Variants in IQCK observed in about 807,000 individuals in gnomAD.
The protein encoded by IQCK is IQ domain-containing protein K.
IQCK carries 29 observed loss-of-function variants against 28.1 expected under a neutral mutation model. That is an observed-to-expected ratio of 1.03 (90% CI 0.77 to 1.41). The LOEUF is 1.41. IQCK is among the 40% of genes most tolerant of loss of function. The probability of loss-of-function intolerance (pLI) is 0.00; values close to 1 mark genes in which losing one functional copy is unlikely to be tolerated. For synonymous variants in IQCK, 113 were observed against 115.1 expected (o/e 0.98, Z 0.12); for missense variants, 359 against 314.7 (o/e 1.14, Z -1.07).
rs2056257505 is a variant in IQCK, at chr16:19,833,424, A to G, written c.802+6287A>G. Among the ~76,000 whole-genome samples, 4 of 152,190 alleles carry G rather than the reference A, an allele frequency of 2.6e-5. No homozygotes were observed. The South Asian group carries it at 8.3e-4, about 32-fold the overall frequency. On this transcript the variant is annotated intron_variant, in intron 9 of 9. Coordinates refer to the IQCK transcript ENST00000320394. Reference sequence around the variant, plus strand: ...AAAAATGTTCCTATAGTGAATAGAAATATGGCTCTGAGCTTCCAGGAAGCC... The same window carrying G: ...AAAAATGTTCCTATAGTGAATAGAAGTATGGCTCTGAGCTTCCAGGAAGCC...
chr16:19,802,911 T>TGGTCA (rs1186713294), intron 7 of IQCK, among the ~76,000 whole-genome samples: 2 of 152,226 alleles, frequency 1.3e-5, no homozygotes, highest in Admixed American at 1.3e-4. Context: ...GGTTCTTAAC[T>TGGTCA]CTGCTGAGGA....
intron 9 of IQCK, among the ~76,000 whole-genome samples, chr16:19,841,821 G>A (rs2056364985): frequency 1.3e-5 from 2 of 151,478 alleles, no homozygotes; most frequent in Non-Finnish European, 2.9e-5. Flanking sequence ...GATCAATAAT[G>A]ATCAGTGTCT....
intron 7 of IQCK, among the ~76,000 whole-genome samples, chr16:19,799,254 A>G (rs1037227020): frequency 2.0e-5 from 2 of 101,924 alleles, no homozygotes; most frequent in Non-Finnish European, 3.3e-5. Context: ...TCTATGGTAT[A>G]TATATATATT....
chr16:19,769,444 G>A (rs1011448047), intron 6 of IQCK, among the ~76,000 whole-genome samples: 2 of 152,182 alleles, frequency 1.3e-5, no homozygotes, highest in South Asian at 2.1e-4. Flanking sequence ...ATAGTAACAT[G>A]TGGCTTACTA....
At chr16:19,721,698 G>C (rs1371146637) in intron 1 of IQCK, among the ~76,000 whole-genome samples, 1 of 151,058 alleles carries the variant, frequency 6.6e-6, no homozygotes, top group African/African-American at 2.4e-5. Flanking sequence ...CAATTCTCCT[G>C]CTTCAGCCTC....
At chr16:19,852,912 G>A (rs1322733823) in intron 9 of IQCK, among the ~76,000 whole-genome samples, 2 of 152,066 alleles carry the variant, frequency 1.3e-5, no homozygotes, top group Non-Finnish European at 2.9e-5. Context: ...GTGAGCCACC[G>A]CACGCGGCCT....
intron 6 of IQCK, among the ~76,000 whole-genome samples, chr16:19,769,962 G>T (rs565473681): frequency 1.3e-5 from 2 of 152,286 alleles, no homozygotes; most frequent in African/African-American, 4.8e-5. Context: ...TCCTGGGTAT[G>T]TGGGTGGCCC....
chr16:19,735,278 A>C, intron 3 of IQCK, 75 bp from the exon 4 acceptor site: 2 of 1,027,268 alleles, frequency 1.9e-6, no homozygotes, highest in Non-Finnish European at 3.1e-6. Context: ...TTTCTGGCTC[A>C]AAAGTAAACA....
chr16:19,746,620 T>C (rs1318101100), intron 4 of IQCK, among the ~76,000 whole-genome samples: 1 of 152,360 alleles, frequency 6.6e-6, no homozygotes, highest in East Asian at 1.9e-4. Flanking sequence ...CAAAAGAGCA[T>C]TGATCACTTC....
At chr16:19,743,821 G>C (rs2054869271) in intron 4 of IQCK, among the ~76,000 whole-genome samples, 1 of 152,232 alleles carries the variant, frequency 6.6e-6, no homozygotes. Context: ...GGAGTGAGAA[G>C]TTAGCAAGCC....
intron 4 of IQCK, among the ~76,000 whole-genome samples, chr16:19,757,169 C>T (rs567035714): frequency 6.6e-4 from 100 of 152,252 alleles, no homozygotes; most frequent in Non-Finnish European, 1.2e-3. Context: ...AACACAGTGC[C>T]GTAGCCAGCC....
At chr16:19,735,689 C>T (rs1210551815) in intron 4 of IQCK, 2 of 493,428 alleles carry the variant, frequency 4.1e-6, no homozygotes, top group Non-Finnish European at 7.4e-6. Flanking sequence ...GCTTGGCCTC[C>T]TGCCTGCCCT....
At chr16:19,822,112 AG>A (rs2056082014) in intron 7 of IQCK, among the ~76,000 whole-genome samples, 1 of 150,658 alleles carries the variant, frequency 6.6e-6, no homozygotes, top group African/African-American at 2.4e-5. Context: ...AAAACGGCCA[AG>A]TGAGGTGGCT....
chr16:19,784,631 G>C (rs955516816), intron 6 of IQCK, among the ~76,000 whole-genome samples: 2 of 152,172 alleles, frequency 1.3e-5, no homozygotes, highest in Non-Finnish European at 2.9e-5. Context: ...CTCTTGTGGA[G>C]CTTTCAGACC....
chr16:19,857,168 A>G (rs2056572630), exon 10 of IQCK: 3 of 231,976 alleles, frequency 1.3e-5, no homozygotes. Flanking sequence ...TATTACCTTA[A>G]TATGTTCTGT....
chr16:19,727,588 C>CG (rs1490718663), intron 1 of IQCK, among the ~76,000 whole-genome samples: 18 of 128,210 alleles, frequency 1.4e-4, no homozygotes, highest in African/African-American at 5.9e-4. Context: ...CTTTGTCACC[C>CG]CCCCCCCCCA....
chr16:19,736,533 G>C (rs570126135), intron 4 of IQCK, among the ~76,000 whole-genome samples: 20 of 152,272 alleles, frequency 1.3e-4, no homozygotes, highest in African/African-American at 4.8e-4. Flanking sequence ...TACCCTTAGA[G>C]GCTCCCTCTT....
chr16:19,819,843 C>A (rs1432204272), intron 7 of IQCK, among the ~76,000 whole-genome samples: 2 of 151,664 alleles, frequency 1.3e-5, no homozygotes, highest in African/African-American at 4.8e-5. Flanking sequence ...GAAACTCTGT[C>A]TCTACTAAAA....
At position 19,808,918 on chromosome 16, in the gene IQCK, C is replaced by T. The variant is rs144612413; in HGVS notation, c.691-18108C>T. On this transcript the variant is annotated intron_variant, in intron 7 of 7. Transcript: ENST00000564186. ...TGTTGTCCAGGCTGGAGTGCAATGG[C>T]GCAATCTTGGCTCTCTGCAACCTCT... 2.8e-3 allele frequency among the ~76,000 whole-genome samples: 428 copies of T among 152,332 alleles called. 1 individual carries two copies. The highest frequency in any genetic ancestry group is 9.9e-3 in the African/African-American group (411 of 41,568).
Sources: allele counts gnomAD v4.1 joint callset (sites outside exome capture counted in the v4.1 genomes callset), GRCh38; gene constraint gnomAD v4.1.1; transcripts MANE v1.5; gene names NCBI Gene and HGNC (gene_info 2026-07-23, HGNC 2026-07-21).